Variants in ZBTB7C observed in about 807,000 individuals in gnomAD.
ZBTB7C encodes zinc finger and BTB domain containing 7C.
ZBTB7C carries 8 observed loss-of-function variants against 25.7 expected under a neutral mutation model. The ratio of observed to expected loss-of-function variants is 0.31; its 90% CI spans 0.18 to 0.56. The LOEUF is 0.56. Among genes scored for constraint, ZBTB7C ranks in the 20% least tolerant of loss-of-function variants. The pLI, the probability that ZBTB7C is intolerant of heterozygous loss-of-function variation, is 0.91. For synonymous variants in ZBTB7C, 394 were observed against 369.0 expected, an observed-to-expected ratio of 1.07 and a Z score of -0.78; for missense variants, 824 against 855.2, an observed-to-expected ratio of 0.96 and a Z score of 0.46.
chr18:48,053,232 C>T (rs1210790369), intron 3 of ZBTB7C, among the ~76,000 whole-genome samples: 1 of 152,216 alleles, frequency 6.6e-6, no homozygotes, highest in Non-Finnish European at 1.5e-5. Context: ...CAAGAATGGG[C>T]ATGGAGTTGG....
chr18:48,277,692 G>C (rs77388020), intron 2 of ZBTB7C, among the ~76,000 whole-genome samples: 1 of 152,180 alleles, frequency 6.6e-6, no homozygotes, highest in African/African-American at 2.4e-5. Flanking sequence ...GGGTTCAGCC[G>C]GCTTCACAGT....
At chr18:48,331,793 G>T (rs2046348169) in intron 2 of ZBTB7C, among the ~76,000 whole-genome samples, 1 of 152,188 alleles carries the variant, frequency 6.6e-6, no homozygotes, top group Non-Finnish European at 1.5e-5. Flanking sequence ...AAAGGCTTAA[G>T]CTAGATAAAC....
In ZBTB7C at chr18:48,040,834, C is replaced by T; in HGVS notation, c.274G>A (p.Ala92Thr). ...GTGATGGTGAGCGTGGAGGTGTAGG[C>T]GAACTCCAGGATAGCAGCCAGAGCC... ...PEALAAILEF[A>T]YTSTLTITAG... The change falls in exon 4 of 5, where the codon GCC (alanine) becomes ACC (threonine). Residue 92 changes from alanine (A) to threonine (T), a missense_variant. By Grantham distance (58) the Ala-to-Thr change is moderately conservative. Coordinates refer to ENST00000590800, the MANE Select transcript of ZBTB7C (RefSeq NM_001318841.2). 1 of 1,613,654 alleles carries T rather than the reference C, an allele frequency of 6.2e-7. No individual in the cohort carries two copies. Among genetic ancestry groups the T allele is most frequent in the Non-Finnish European group, 8.5e-7 (1 of 1,179,796 alleles).
chr18:48,088,040 T>A (rs2038262467), intron 3 of ZBTB7C, among the ~76,000 whole-genome samples: 1 of 152,196 alleles, frequency 6.6e-6, no homozygotes, highest in Non-Finnish European at 1.5e-5. Flanking sequence ...AACACCCCTG[T>A]AACCCAAATT....
intron 3 of ZBTB7C, among the ~76,000 whole-genome samples, chr18:48,143,230 G>A (rs2040402222): frequency 6.6e-6 from 1 of 152,144 alleles, no homozygotes; most frequent in South Asian, 2.1e-4. Flanking sequence ...AGGTCACACT[G>A]GGAGCACAGG....
At chr18:48,150,594 A>AG (rs1243262865) in intron 3 of ZBTB7C, 1 of 152,270 alleles carries the variant, frequency 6.6e-6, no homozygotes, top group East Asian at 1.9e-4. Context: ...AAAAAAAAAA[A>AG]AAAAAAATAC....
intron 3 of ZBTB7C, among the ~76,000 whole-genome samples, chr18:48,074,356 T>C (rs1383437141): frequency 6.6e-6 from 1 of 152,152 alleles, no homozygotes; most frequent in Non-Finnish European, 1.5e-5. Context: ...TGGGGGGCAG[T>C]CATTCCTGAG....
chr18:48,053,956 G>T (rs1349922846), intron 3 of ZBTB7C, among the ~76,000 whole-genome samples: 1 of 152,206 alleles, frequency 6.6e-6, no homozygotes, highest in African/African-American at 2.4e-5. Context: ...TTTGGCAAAG[G>T]GATTAGCTTG....
At chr18:48,331,421 C>T (rs933093921) in intron 2 of ZBTB7C, among the ~76,000 whole-genome samples, 4 of 152,184 alleles carry the variant, frequency 2.6e-5, no homozygotes, top group Non-Finnish European at 4.4e-5. Context: ...ATCTGAGTGG[C>T]TGCCCAATGA....
At chr18:48,290,530 G>T (rs577184530) in intron 2 of ZBTB7C, among the ~76,000 whole-genome samples, 1 of 152,202 alleles carries the variant, frequency 6.6e-6, no homozygotes, top group African/African-American at 2.4e-5. Flanking sequence ...AATTATCCTG[G>T]GGAGCTAAGC....
At chr18:48,033,932 C>T (rs1414655034) in intron 4 of ZBTB7C, among the ~76,000 whole-genome samples, 1 of 152,180 alleles carries the variant, frequency 6.6e-6, no homozygotes, top group African/African-American at 2.4e-5. Flanking sequence ...GGTTGGGCTG[C>T]ATCCTTGGGG....
chr18:48,092,017 T>C (rs933041140), intron 3 of ZBTB7C, among the ~76,000 whole-genome samples: 4 of 152,152 alleles, frequency 2.6e-5, no homozygotes, highest in African/African-American at 9.7e-5. Flanking sequence ...ATGTCAATCA[T>C]AGAATCTGTG....
intron 2 of ZBTB7C, among the ~76,000 whole-genome samples, chr18:48,191,825 A>C (rs2187431): frequency 0.076 from 11,573 of 152,238 alleles, 476 homozygotes; most frequent in Middle Eastern, 0.15. Context: ...TTTATCTCCA[A>C]TACTAAAATC....
At chr18:48,345,224 A>T (rs1226208438) in intron 1 of ZBTB7C, among the ~76,000 whole-genome samples, 3 of 152,230 alleles carry the variant, frequency 2.0e-5, no homozygotes, top group African/African-American at 7.2e-5. Flanking sequence ...ATAGCTGTTC[A>T]GTAAGAAGCT....
At chr18:48,391,696 T>G (rs1056567035) in intron 1 of ZBTB7C, among the ~76,000 whole-genome samples, 4 of 152,186 alleles carry the variant, frequency 2.6e-5, no homozygotes, top group African/African-American at 9.7e-5. Flanking sequence ...AGAAGGCTTG[T>G]TGAACTACAC....
chr18:48,061,743 G>A (rs2037134726), intron 3 of ZBTB7C, among the ~76,000 whole-genome samples: 1 of 152,240 alleles, frequency 6.6e-6, no homozygotes, highest in Admixed American at 6.5e-5. Flanking sequence ...GGACGGGAAT[G>A]TAAGTTCCTT....
intron 3 of ZBTB7C, among the ~76,000 whole-genome samples, chr18:48,088,892 G>A (rs2038298116): frequency 6.6e-6 from 1 of 152,072 alleles, no homozygotes; most frequent in South Asian, 2.1e-4. Flanking sequence ...GTGGGCAGGG[G>A]GTCAAATTAG....
intron 3 of ZBTB7C, among the ~76,000 whole-genome samples, chr18:48,135,207 T>C (rs1277584508): frequency 6.6e-6 from 1 of 152,162 alleles, no homozygotes; most frequent in Non-Finnish European, 1.5e-5. Flanking sequence ...TGCCCAGCAC[T>C]TAGCATGGTA....
At chr18:48,195,711 G>T (rs1194465625) in intron 2 of ZBTB7C, among the ~76,000 whole-genome samples, 1 of 151,940 alleles carries the variant, frequency 6.6e-6, no homozygotes, top group South Asian at 2.1e-4. Flanking sequence ...AGTGTAAAAA[G>T]TCTCCCTAGA....
Sources: gnomAD v4.1 joint callset for allele counts (sites outside exome capture counted in the v4.1 genomes callset) on GRCh38, gnomAD v4.1.1 for gene constraint, MANE v1.5 for transcripts, NCBI Gene and HGNC (gene_info 2026-07-23, HGNC 2026-07-21) for gene names.